The following DSCAM variants were observed in gnomAD, a reference collection of about 807,000 sequenced individuals.
The protein encoded by DSCAM is DS cell adhesion molecule.
In DSCAM, 47 loss-of-function variants were observed where a neutral mutation model predicts 217.7. The observed-to-expected ratio is 0.22, with a 90% CI of 0.17 to 0.28. The LOEUF is 0.28. Ranked by LOEUF, DSCAM falls within the 10% of genes least tolerant of loss-of-function variation. DSCAM has a pLI of 1.00. For synonymous variants in DSCAM, 1,056 were observed against 1,015.3 expected, an observed-to-expected ratio of 1.04 and a Z score of -0.76; for missense variants, 2,080 against 2,618.3, an observed-to-expected ratio of 0.79 and a Z score of 4.49.
In DSCAM at chr21:40,163,975, C is replaced by A. The variant is rs151016812; in HGVS notation, c.3018+3243G>T. 9.7e-4 allele frequency among the ~76,000 whole-genome samples: 148 copies of A among 152,278 alleles called. 2 individuals carry two copies. The highest frequency in any genetic ancestry group is 3.3e-3 in the African/African-American group (136 of 41,534). Reference sequence around the variant, plus strand: ...CACTTGTCTTCTAGGCCTCTTCATTCCCAGCTCACATATACACTCACCTCT... The same window carrying A: ...CACTTGTCTTCTAGGCCTCTTCATTACCAGCTCACATATACACTCACCTCT... On this transcript the variant is annotated intron_variant, in intron 16 of 32. Transcript: ENST00000400454.
At position 40,069,767 on chromosome 21, in the gene DSCAM, T is replaced by C. The variant is rs1193893834; in HGVS notation, c.4888+5270A>G. On this transcript the variant is annotated intron_variant, in intron 27 of 32. Transcript: ENST00000400454. Reference sequence around the variant, plus strand: ...GTGGAATTGAAATAGTCTCATAAAGTAGCTATTTTTGCAAGGGCTATAAAC... The same window carrying C: ...GTGGAATTGAAATAGTCTCATAAAGCAGCTATTTTTGCAAGGGCTATAAAC... 3.3e-5 allele frequency among the ~76,000 whole-genome samples: 5 copies of C among 152,140 alleles called. No individual in the cohort carries two copies. In the East Asian group the frequency reaches 9.6e-4, roughly 29 times the overall value.
At chr21:40,307,071 C>T (rs1569054390) in intron 9 of DSCAM, among the ~76,000 whole-genome samples, 1 of 152,108 alleles carries the variant, frequency 6.6e-6, no homozygotes, top group Non-Finnish European at 1.5e-5. Flanking sequence ...CCATCTGGTC[C>T]TGGATTCTTT....
At chr21:40,174,566 T>C (rs1292522172) in intron 15 of DSCAM, among the ~76,000 whole-genome samples, 2 of 151,258 alleles carry the variant, frequency 1.3e-5, no homozygotes, top group Admixed American at 6.6e-5. Context: ...AAAACTATGC[T>C]TAGTTCAAGG....
chr21:40,356,332 T>C (rs371441157), intron 4 of DSCAM, among the ~76,000 whole-genome samples: 117 of 151,574 alleles, frequency 7.7e-4, no homozygotes, highest in African/African-American at 2.6e-3. Flanking sequence ...CATACATACA[T>C]ACACACACAA....
At chr21:40,638,815 T>C (rs2089841108) in intron 3 of DSCAM, among the ~76,000 whole-genome samples, 1 of 152,180 alleles carries the variant, frequency 6.6e-6, no homozygotes, top group African/African-American at 2.4e-5. Flanking sequence ...TTTTTACTGT[T>C]TACTATTTGT....
chr21:40,013,567 C>G (rs993838240), intron 32 of DSCAM, among the ~76,000 whole-genome samples, 181 bp from the exon 33 acceptor site: 1 of 152,194 alleles, frequency 6.6e-6, no homozygotes, highest in African/African-American at 2.4e-5. Flanking sequence ...GTCCTCCTAC[C>G]TCCTCCCTGG....
chr21:40,046,028 C>T (rs1478656263), intron 30 of DSCAM, among the ~76,000 whole-genome samples: 2 of 152,130 alleles, frequency 1.3e-5, no homozygotes, highest in African/African-American at 4.8e-5. Context: ...AAAACTATAA[C>T]CCAAACCTTC....
chr21:40,382,213 C>G (rs910328574), intron 3 of DSCAM, among the ~76,000 whole-genome samples: 1 of 152,268 alleles, frequency 6.6e-6, no homozygotes, highest in Non-Finnish European at 1.5e-5. Context: ...TTTAGCAAGT[C>G]CCCTAGTTCT....
intron 9 of DSCAM, among the ~76,000 whole-genome samples, chr21:40,307,849 T>C (rs1310517723): frequency 6.7e-6 from 1 of 148,790 alleles, no homozygotes; most frequent in African/African-American, 2.5e-5. Flanking sequence ...AACCAAACAC[T>C]GCATATTCTT....
intron 3 of DSCAM, among the ~76,000 whole-genome samples, chr21:40,579,679 TC>T (rs1170561907): frequency 6.6e-6 from 1 of 152,240 alleles, no homozygotes; most frequent in African/African-American, 2.4e-5. Flanking sequence ...GTTAAGATCG[TC>T]GCTAGAAAAT....
intron 1 of DSCAM, among the ~76,000 whole-genome samples, chr21:40,752,648 C>T (rs763041917): frequency 9.2e-5 from 14 of 152,192 alleles, no homozygotes; most frequent in Admixed American, 7.9e-4. Context: ...GATTACATCA[C>T]TGTACTCCAG....
intron 3 of DSCAM, among the ~76,000 whole-genome samples, chr21:40,626,461 A>G (rs2089602715): frequency 6.6e-6 from 1 of 152,178 alleles, no homozygotes; most frequent in African/African-American, 2.4e-5. Flanking sequence ...CCACTGTGTC[A>G]AACCCTATGT....
Position 40,036,165 on chromosome 21 carries a change from C to G in DSCAM, c.5686+6206G>C, listed in dbSNP as rs1231160084. ...GCAGAAGGCAAGAAATAACTAAAAT[C>G]AGAGCAGAACTGAAGGAAATAGAGA... On this transcript the variant is annotated intron_variant, in intron 32 of 32. Coordinates refer to ENST00000400454, the MANE Select transcript of DSCAM (RefSeq NM_001389.5). Among the ~76,000 whole-genome samples, 6 of 142,886 alleles carry G rather than the reference C, an allele frequency of 4.2e-5. 2 individuals carry two copies. Among genetic ancestry groups the G allele is most frequent in the African/African-American group, 1.1e-4 (4 of 36,226 alleles). The allele number at this position is 142,886 out of a possible 152,430, so 93.7% of individuals were successfully genotyped here. A position where few individuals can be genotyped will look rare whatever the true frequency, so the allele number is the denominator to read the frequency against.
At chr21:40,312,397 A>T (rs2074149122) in intron 8 of DSCAM, 38 bp from the exon 9 acceptor site, 1 of 1,600,600 alleles carries the variant, frequency 6.2e-7, no homozygotes, top group African/African-American at 1.3e-5. Flanking sequence ...AACTGTGCTT[A>T]TTCTACATTT....
chr21:40,520,148 G>C (rs1256779864), intron 3 of DSCAM, among the ~76,000 whole-genome samples: 1 of 151,948 alleles, frequency 6.6e-6, no homozygotes, highest in African/African-American at 2.4e-5. Flanking sequence ...AGATTAGCTT[G>C]CAATAGTGGA....
chr21:40,814,007 T>C (rs979385386), intron 1 of DSCAM, among the ~76,000 whole-genome samples: 3 of 152,166 alleles, frequency 2.0e-5, no homozygotes, highest in Admixed American at 6.5e-5. Flanking sequence ...GCAGGCTCGA[T>C]TCCCTGAATC....
chr21:40,350,319 C>T (rs1349761638), intron 5 of DSCAM, among the ~76,000 whole-genome samples: 3 of 152,176 alleles, frequency 2.0e-5, no homozygotes, highest in Non-Finnish European at 2.9e-5. Flanking sequence ...CTTCTACTTA[C>T]TCAGCAAAAG....
intron 3 of DSCAM, among the ~76,000 whole-genome samples, chr21:40,474,315 T>TAAA (rs71285090): frequency 2.0e-5 from 3 of 150,680 alleles, no homozygotes; most frequent in African/African-American, 4.9e-5. Flanking sequence ...TAATAAATAT[T>TAAA]AAAAAAAAAC....
At chr21:40,775,817 T>C (rs775543092) in intron 1 of DSCAM, among the ~76,000 whole-genome samples, 1 of 152,160 alleles carries the variant, frequency 6.6e-6, no homozygotes, top group African/African-American at 2.4e-5. Flanking sequence ...CTGTGAAAGA[T>C]GCAATTTCTG....
Sources: allele counts gnomAD v4.1 joint callset (sites outside exome capture counted in the v4.1 genomes callset), GRCh38; gene constraint gnomAD v4.1.1; transcripts MANE v1.5; gene names NCBI Gene and HGNC (gene_info 2026-07-23, HGNC 2026-07-21).